The following ANO1 variants were observed in gnomAD, a reference collection of about 807,000 sequenced individuals.
The protein encoded by ANO1 is anoctamin 1.
Under a neutral mutation model 124.0 loss-of-function variants are expected in ANO1, and 59 were observed. The ratio of observed to expected loss-of-function variants is 0.48; its 90% CI spans 0.39 to 0.59. The LOEUF is 0.59. ANO1 is among the 20% of genes least tolerant of loss of function. ANO1 has a pLI of 0.00. For synonymous variants in ANO1, 529 were observed against 532.0 expected (o/e 0.99, Z 0.08); for missense variants, 1,059 against 1,328.0 (o/e 0.80, Z 3.15).
intron 1 of ANO1, among the ~76,000 whole-genome samples, chr11:70,037,673 G>C (rs1179656417): frequency 1.3e-5 from 2 of 152,162 alleles, no homozygotes; most frequent in Non-Finnish European, 2.9e-5. Flanking sequence ...TGAAAAGGTT[G>C]CTTGAAGACT....
At chr11:70,029,950 C>T (rs782222634) in intron 1 of ANO1, among the ~76,000 whole-genome samples, 6 of 152,186 alleles carry the variant, frequency 3.9e-5, no homozygotes, top group Non-Finnish European at 8.8e-5. Context: ...TAGATTAGGG[C>T]CACTGGAGGA....
In ANO1 at chr11:70,078,684, G is replaced by A. The variant is rs1465417379; in HGVS notation, c.78G>A (p.Glu26=). ...SVHIINICAI[E]DIGYLPSEGT... ...ACATCATCAACATCTGCGCCATCGA[G>A]GACATCGGCTACCTGCCGTCCGAGG... The change falls in exon 1 of 26, where the codon GAG becomes GAA. Residue 26 remains glutamate, a synonymous_variant. Coordinates refer to ENST00000355303, the MANE Select transcript of ANO1 (RefSeq NM_018043.7). The A allele has an allele frequency of 3.3e-6, 5 of 1,492,978 alleles. No homozygotes were observed. In the African/African-American group the frequency reaches 4.4e-5, roughly 13 times the overall value. The allele number at this position is 1,492,978 out of a possible 1,614,324, so 92.5% of individuals were successfully genotyped here. A position where few individuals can be genotyped will look rare whatever the true frequency, so the allele number is the denominator to read the frequency against.
intron 2 of ANO1, among the ~76,000 whole-genome samples, chr11:70,093,431 CA>C (rs1165684503): frequency 3.3e-5 from 5 of 152,116 alleles, no homozygotes; most frequent in African/African-American, 1.2e-4. Context: ...AACTAAGACC[CA>C]TTAGCCTTTT....
chr11:70,051,066 T>C (rs1185434264), intron 1 of ANO1, among the ~76,000 whole-genome samples: 1 of 152,136 alleles, frequency 6.6e-6, no homozygotes, highest in East Asian at 1.9e-4. Context: ...CAGATCATAA[T>C]TTTACAGTTT....
At chr11:70,128,073 C>T (rs895715781) in intron 10 of ANO1, among the ~76,000 whole-genome samples, 3 of 152,194 alleles carry the variant, frequency 2.0e-5, no homozygotes, top group African/African-American at 4.8e-5. Context: ...AGGAAAGAAA[C>T]TGACTCTTTG....
the ANO1 span, among the ~76,000 whole-genome samples, chr11:69,978,846 C>G: frequency 6.6e-6 from 1 of 152,210 alleles, no homozygotes; most frequent in Non-Finnish European, 1.5e-5. Context: ...CTATATGAAG[C>G]TACCATCCTC....
chr11:70,089,956 G>A (rs1408365879), intron 2 of ANO1, among the ~76,000 whole-genome samples: 1 of 152,206 alleles, frequency 6.6e-6, no homozygotes, highest in Non-Finnish European at 1.5e-5. Context: ...TGGATTTTGA[G>A]CTTCATGGTC....
intron 3 of ANO1, 100 bp downstream of exon 3, chr11:70,103,264 T>TAAAAAAAAA: frequency 1.2e-6 from 1 of 823,208 alleles, no homozygotes; most frequent in Non-Finnish European, 1.8e-6. Flanking sequence ...CTGAGTTTTA[T>TAAAAAAAAA]AAAAAAAAAA....
chr11:70,047,882 G>A (rs1181835104), intron 1 of ANO1, among the ~76,000 whole-genome samples: 1 of 152,154 alleles, frequency 6.6e-6, no homozygotes, highest in Non-Finnish European at 1.5e-5. Flanking sequence ...GCAGTTACAG[G>A]CAGTTTCTGG....
chr11:70,043,759 A>G (rs187223876), intron 1 of ANO1, among the ~76,000 whole-genome samples: 1 of 152,256 alleles, frequency 6.6e-6, no homozygotes, highest in African/African-American at 2.4e-5. Flanking sequence ...AAAGACTTTT[A>G]CAGAAGAACA....
At chr11:70,095,398 GAAAGAAAGAAAGAAAGAAAGAAAGAAAGA>G (rs1397792089) in intron 2 of ANO1, among the ~76,000 whole-genome samples, 2,823 of 45,154 alleles carry the variant, frequency 0.063, 399 homozygotes, top group Non-Finnish European at 0.11. Context: ...AAGAAAGAAA[GAAAGAAAGAAAGAAAGAAAGAAAGAAAGA>G]AAAGAAAAGA....
At chr11:70,114,627 G>A (rs759518243) in intron 7 of ANO1, among the ~76,000 whole-genome samples, 7 of 152,152 alleles carry the variant, frequency 4.6e-5, no homozygotes, top group East Asian at 1.9e-4. Flanking sequence ...GGTTGGGCAC[G>A]GTGGCTCACG....
At chr11:70,023,873 G>A (rs1225570135) in intron 1 of ANO1, among the ~76,000 whole-genome samples, 1 of 152,212 alleles carries the variant, frequency 6.6e-6, no homozygotes, top group Non-Finnish European at 1.5e-5. Flanking sequence ...GTTGCTCTGT[G>A]CTTTACATTT....
At position 69,994,025 on chromosome 11, in the gene ANO1, CT is replaced by C. The variant is rs368121919; in HGVS notation, c.58+7860del. ...GAGGAGTTGGTCAGTGTCACTCCCC[CT>C]GCACTTGATCAAGTTCCAAAAGGCA... On this transcript the variant is annotated intron_variant, in intron 1 of 27. Coordinates refer to the ANO1 transcript ENST00000531349. Among the ~76,000 whole-genome samples, 859 of 152,196 alleles carry C rather than the reference CT, an allele frequency of 5.6e-3. 8 individuals carry two copies. The highest frequency in any genetic ancestry group is 0.02 in the African/African-American group (821 of 41,532).
chr11:70,147,910 T>C (rs527571128), intron 11 of ANO1, among the ~76,000 whole-genome samples: 1 of 152,312 alleles, frequency 6.6e-6, no homozygotes, highest in East Asian at 1.9e-4. Context: ...TTCCATTGCC[T>C]GTGCGAGCAA....
rs142999479 is a variant in ANO1, at chr11:70,106,805, C to T, written c.747+1017C>T. 3.4e-3 allele frequency among the ~76,000 whole-genome samples: 525 copies of T among 152,330 alleles called. 3 individuals are homozygous for T. Among genetic ancestry groups the T allele is most frequent in the Admixed American group, 8.0e-3 (123 of 15,306 alleles). ...CCCTTCCCCACTCCTCTCCTCCACA[C>T]CATTCAATCTGTCCTGGCATTGGGG... On this transcript the variant is annotated intron_variant, in intron 5 of 25. Transcript: ENST00000355303.
intron 1 of ANO1, among the ~76,000 whole-genome samples, chr11:70,084,593 G>A (rs1174418435): frequency 6.6e-6 from 1 of 152,150 alleles, no homozygotes; most frequent in East Asian, 1.9e-4. Context: ...GAGGGGCCAA[G>A]CCTAGATGTA....
the ANO1 span, among the ~76,000 whole-genome samples, chr11:69,971,506 AC>A: frequency 6.6e-6 from 1 of 151,832 alleles, no homozygotes; most frequent in Non-Finnish European, 1.5e-5. Flanking sequence ...AAAAAGAGAA[AC>A]TTCTAAAAAG....
chr11:70,115,789 G>A (rs541764209), intron 7 of ANO1, among the ~76,000 whole-genome samples: 2 of 152,260 alleles, frequency 1.3e-5, no homozygotes, highest in Admixed American at 6.5e-5. Context: ...GAGTGTTTGT[G>A]AGGGTAACGT....
Sources: allele counts gnomAD v4.1 joint callset (sites outside exome capture counted in the v4.1 genomes callset), GRCh38; gene constraint gnomAD v4.1.1; transcripts MANE v1.5; gene names NCBI Gene and HGNC (gene_info 2026-07-23, HGNC 2026-07-21).